The following INF2 variants were observed in gnomAD, a reference collection of about 807,000 sequenced individuals.
The protein encoded by INF2 is inverted formin 2.
A neutral mutation model predicts 123.5 loss-of-function variants in INF2; 43 were observed. The ratio of observed to expected loss-of-function variants is 0.35; its 90% CI spans 0.27 to 0.45. The LOEUF (loss-of-function observed/expected upper bound fraction) is 0.45, where lower values mean the gene tolerates loss of function less well. INF2 is among the 20% of genes least tolerant of loss of function. INF2 has a pLI of 1.00. For missense variants in INF2, 1,453 were observed against 1,682.7 expected, an observed-to-expected ratio of 0.86 and a Z score of 2.39; for synonymous variants, 851 against 745.0, an observed-to-expected ratio of 1.14 and a Z score of -2.32.
Position 104,707,565 on chromosome 14 carries a change from C to G in INF2, c.1298C>G (p.Ser433Cys), listed in dbSNP as rs2140668383. The G allele has an allele frequency of 1.7e-6, 2 of 1,151,308 alleles. No homozygotes were observed. Among genetic ancestry groups the G allele is most frequent in the Non-Finnish European group, 2.2e-6 (2 of 889,086 alleles). The allele number at this position is 1,151,308 out of a possible 1,614,324, so 71.3% of individuals were successfully genotyped here. A position where few individuals can be genotyped will look rare whatever the true frequency, so the allele number is the denominator to read the frequency against. The change falls in exon 8 of 23, where the codon TCC becomes TGC. Residue 433 changes from serine (S) to cysteine (C), a missense_variant. Physicochemically the swap from Ser to Cys is moderately radical, Grantham distance 112. Transcript: ENST00000392634. ...PPPPPPLLPG[S>C]SAEPPPPPPP... ...CCACCCCCACCCCTGCTCCCTGGTT[C>G]CAGTGCCGAGCCCCCTCCCCCTCCC...
intron 1 of INF2, among the ~76,000 whole-genome samples, chr14:104,694,913 C>T (rs904081768): frequency 1.3e-5 from 2 of 152,184 alleles, no homozygotes; most frequent in Non-Finnish European, 2.9e-5. Flanking sequence ...AGGCACACAG[C>T]AATCAGGACC....
At chr14:104,710,298 G>C (rs1889983623) in intron 13 of INF2, 110 bp downstream of exon 13, 1 of 757,118 alleles carries the variant, frequency 1.3e-6, no homozygotes, top group African/African-American at 1.7e-5. Context: ...GCTGCTAAGA[G>C]CACCTAAGGG....
At chr14:104,689,276 G>A (rs906330008), upstream of INF2, 28 of 984,496 alleles carry the variant, frequency 2.8e-5, no homozygotes, top group Non-Finnish European at 3.3e-5. Context: ...CAGTCCCACC[G>A]GAGGATAGGG....
chr14:104,693,422 G>A (rs115312725), intron 1 of INF2, among the ~76,000 whole-genome samples: 2,430 of 152,322 alleles, frequency 0.016, 38 homozygotes, highest in African/African-American at 0.04. Context: ...AGGGCAGGCT[G>A]TCTGCTTCCC....
chr14:104,708,280 G>A (rs1424966180), intron 8 of INF2, 156 bp from the exon 9 acceptor site: 11 of 981,474 alleles, frequency 1.1e-5, no homozygotes, highest in Non-Finnish European at 1.5e-5. Flanking sequence ...AGGTGCTCAG[G>A]TAGGGAGGTA....
chr14:104,708,387 C>T, intron 8 of INF2, 49 bp from the exon 9 acceptor site: 1 of 1,601,476 alleles, frequency 6.2e-7, no homozygotes, highest in Non-Finnish European at 8.5e-7. Context: ...GCTGGATCGC[C>T]AGGCCCCGGG....
Position 104,699,114 on chromosome 14 carries a change from A to G in INF2, c.-9-2243A>G, listed in dbSNP as rs2140627917. Among the ~76,000 whole-genome samples the G allele has an allele frequency of 6.6e-6, 1 of 152,010 alleles. No individual in the cohort carries two copies. The highest frequency in any genetic ancestry group is 2.1e-4 in the South Asian group (1 of 4,798). ...AGGTCAGGGAGCATCTTCTGTGTCC[A>G]GGGACACCCTGGGGCCTGGGGCACG... is the stretch of plus-strand genomic sequence containing the variant. On this transcript the variant is annotated intron_variant, in intron 1 of 22. Coordinates refer to ENST00000392634, the MANE Select transcript of INF2 (RefSeq NM_022489.4). This position sits in a 1 kb window ranked among gnomAD's most constrained non-coding sequence, Gnocchi z 4.7.
intron 11 of INF2, 106 bp from the exon 12 acceptor site, chr14:104,709,514 C>T: frequency 1.5e-6 from 2 of 1,296,324 alleles, no homozygotes; most frequent in South Asian, 2.4e-5. Context: ...GAACCGTGAG[C>T]CACAGGGAGC....
chr14:104,707,137 C>A, intron 7 of INF2, 86 bp downstream of exon 7: 1 of 1,510,376 alleles, frequency 6.6e-7, no homozygotes, highest in South Asian at 1.2e-5. Flanking sequence ...CTGCCCTTGG[C>A]CCCAACCCAT....
Position 104,712,568 on chromosome 14 carries a change from G to A in INF2, c.2610+15G>A, listed in dbSNP as rs746323324. 1 of 1,612,518 alleles carries A rather than the reference G, an allele frequency of 6.2e-7. No homozygotes were observed. The highest frequency in any genetic ancestry group is 8.5e-7 in the Non-Finnish European group (1 of 1,179,720). On this transcript the variant is annotated intron_variant, in intron 17 of 22. Transcript: ENST00000392634. ...AGCGCCTCCAGGCAAGTGGGCACCT[G>A]GGCCTGGGGCTGGCGGGAGAGGCTG...
intron 22 of INF2, among the ~76,000 whole-genome samples, chr14:104,716,299 G>A (rs1005716045): frequency 1.1e-4 from 16 of 152,352 alleles, no homozygotes; most frequent in African/African-American, 2.4e-4. Context: ...TCGTGACCCC[G>A]GAGAAGCTTC....
At position 104,711,093 on chromosome 14, in the gene INF2, T is replaced by C. The variant is rs1595175625; in HGVS notation, c.2325T>C (p.Gly775=). The C allele has an allele frequency of 1.9e-6, 3 of 1,596,288 alleles. No homozygotes were observed. Among genetic ancestry groups the C allele is most frequent in the Non-Finnish European group, 2.6e-6 (3 of 1,173,036 alleles). The change falls in exon 15 of 23, where the codon GGT becomes GGC. Residue 775 remains glycine (G), a synonymous_variant. Coordinates refer to ENST00000392634, the MANE Select transcript of INF2 (RefSeq NM_022489.4). ...GCCCCTCCCAGGGCAGCCACACCGG[T>C]GACGCCGACGGCTTCAAGATCAGCA... is the stretch of plus-strand genomic sequence containing the variant. ...GNFLNYGSHT[G]DADGFKISTL... is the part of the protein sequence containing the mutation.
chr14:104,712,762 A>G, intron 17 of INF2, 66 bp from the exon 18 acceptor site: 6 of 1,521,806 alleles, frequency 3.9e-6, no homozygotes, highest in Non-Finnish European at 5.3e-6. Flanking sequence ...CCCGCAACTC[A>G]GGGCCTCACC....
chr14:104,700,969 T>C, intron 1 of INF2: 1 of 665,492 alleles, frequency 1.5e-6, no homozygotes, highest in Non-Finnish European at 1.9e-6. Flanking sequence ...TTACCGTGGG[T>C]AATGTTCCAG....
chr14:104,704,068 GC>G, intron 5 of INF2, 119 bp downstream of exon 5: 5 of 1,553,664 alleles, frequency 3.2e-6, no homozygotes, highest in Non-Finnish European at 4.3e-6. Flanking sequence ...CAGGGAGGTG[GC>G]TCCCTCGGAG....
chr14:104,701,218 C>A, intron 1 of INF2, 139 bp from the exon 2 acceptor site: 1 of 1,013,438 alleles, frequency 9.9e-7, no homozygotes, highest in South Asian at 1.6e-5. Context: ...CAGTGCTACC[C>A]CTAACCCTCA....
rs779017318 is a variant in INF2 at position 104,714,835 on chromosome 14, C to T, written c.3673C>T (p.Arg1225Cys). ...SKGTGKRRKK[R>C]PSRSQEEVPP... The stretch of plus-strand genomic sequence containing the variant: ...GGGGACCGGGAAGCGAAGGAAGAAG[C>T]GTCCCTCCAGGAGCCAGGAAGGTAA... The change falls in exon 21 of 23, where the codon CGT becomes TGT. Residue 1225 changes from arginine to cysteine, a missense_variant. Coordinates refer to ENST00000392634, the MANE Select transcript of INF2 (RefSeq NM_022489.4). 8.2e-6 allele frequency: 13 copies of T among 1,588,300 alleles called. No individual in the cohort carries two copies. The highest frequency in any genetic ancestry group is 2.7e-5 in the African/African-American group (2 of 73,942).
Position 104,713,613 on chromosome 14 carries a change from C to T in INF2, c.3040+7C>T, listed in dbSNP as rs370947072. The stretch of plus-strand genomic sequence containing the variant: ...CCAAGAGCCACAGAGCCTGGTAAGA[C>T]CCTCTCCCACTGCCTCCTCATGGTC... On this transcript the variant is annotated splice_region_variant and intron_variant, in intron 20 of 22. Transcript: ENST00000392634. The T allele has an allele frequency of 7.4e-6, 12 of 1,611,708 alleles. No homozygotes were observed. In the South Asian group the frequency reaches 8.8e-5, roughly 12 times the overall value.
intron 16 of INF2, 96 bp from the exon 17 acceptor site, chr14:104,712,337 A>G (rs2140688920): frequency 1.3e-6 from 2 of 1,524,708 alleles, no homozygotes; most frequent in East Asian, 2.4e-5. Flanking sequence ...CAGGGTGCAC[A>G]GTGGGGTGCC....
Sources: allele counts gnomAD v4.1 joint callset (sites outside exome capture counted in the v4.1 genomes callset), GRCh38; gene constraint gnomAD v4.1.1; non-coding constraint Gnocchi (gnomAD v3.1); transcripts MANE v1.5; gene names NCBI Gene and HGNC (gene_info 2026-07-23, HGNC 2026-07-21).